ADAMTS17: variants seen among roughly 807,000 people sequenced by gnomAD.
ADAMTS17 encodes ADAM metallopeptidase with thrombospondin type 1 motif 17.
In ADAMTS17, 113 loss-of-function variants were observed where a neutral mutation model predicts 141.5. The ratio of observed to expected loss-of-function variants is 0.80; its 90% CI spans 0.69 to 0.93. ADAMTS17 has a LOEUF of 0.93. ADAMTS17 is among the 40% of genes least tolerant of loss of function. The probability of loss-of-function intolerance (pLI) is 0.00; values close to 1 mark genes in which losing one functional copy is unlikely to be tolerated. For synonymous variants in ADAMTS17, 768 were observed against 630.6 expected, an observed-to-expected ratio of 1.22 and a Z score of -3.27; for missense variants, 1,659 against 1,517.9, an observed-to-expected ratio of 1.09 and a Z score of -1.54.
chr15:100,273,730 G>C lies in ADAMTS17; in HGVS notation c.789+7499C>G, dbSNP rs1326202126. ...AAGCTAAATTCAAAGCTAGCAGAAG[G>C]AATAAAATAGCTTGTTCTTCTTCTA... On this transcript the variant is annotated intron_variant, in intron 4 of 21. Coordinates refer to ENST00000268070, the MANE Select transcript of ADAMTS17 (RefSeq NM_139057.4). 2.0e-5 allele frequency among the ~76,000 whole-genome samples: 3 copies of C among 152,266 alleles called. No homozygotes were observed. In the East Asian group the frequency reaches 5.8e-4, roughly 29 times the overall value.
chr15:100,206,762 G>A (rs146388745), intron 7 of ADAMTS17, among the ~76,000 whole-genome samples: 103 of 152,156 alleles, frequency 6.8e-4, no homozygotes, highest in Non-Finnish European at 1.0e-3. Context: ...GGAATGGATC[G>A]AATCTCCCTT....
intron 3 of ADAMTS17, among the ~76,000 whole-genome samples, chr15:100,289,320 G>C (rs1297738040): frequency 1.3e-5 from 2 of 151,990 alleles, no homozygotes; most frequent in African/African-American, 4.8e-5. Context: ...AAAAAACCAA[G>C]TTCCAAAATT....
chr15:100,124,052 C>T (rs1281999714), intron 12 of ADAMTS17, among the ~76,000 whole-genome samples: 1 of 151,918 alleles, frequency 6.6e-6, no homozygotes. Flanking sequence ...TAACCTCTGC[C>T]TCCTGGGTTC....
chr15:100,337,349 G>A (rs1300167902), intron 2 of ADAMTS17, among the ~76,000 whole-genome samples: 1 of 152,224 alleles, frequency 6.6e-6, no homozygotes, highest in East Asian at 1.9e-4. Context: ...ACCAGTCAGA[G>A]TGAGGTGGGC....
intron 15 of ADAMTS17, among the ~76,000 whole-genome samples, chr15:100,076,243 A>G (rs771847575): frequency 7.9e-5 from 12 of 152,110 alleles, no homozygotes; most frequent in Non-Finnish European, 1.5e-4. Context: ...GGGTTGCACT[A>G]TGTTGGGCAG....
Position 100,017,712 on chromosome 15 carries a change from G to C in ADAMTS17, c.2592-20123C>G, listed in dbSNP as rs548639685. ...ACAGTTTGGGCACTCACAGTATTTG[G>C]AGTGTCTCCTGGGTCCTGCAGGAGC... On this transcript the variant is annotated intron_variant, in intron 18 of 21. Coordinates refer to ENST00000268070, the MANE Select transcript of ADAMTS17 (RefSeq NM_139057.4). Among the ~76,000 whole-genome samples, 52 of 152,294 alleles carry C rather than the reference G, an allele frequency of 3.4e-4. No homozygotes were observed. The South Asian group carries it at 0.011, about 31-fold the overall frequency.
chr15:100,144,599 G>A (rs1443559889), intron 10 of ADAMTS17, among the ~76,000 whole-genome samples: 1 of 152,004 alleles, frequency 6.6e-6, no homozygotes, highest in Non-Finnish European at 1.5e-5. Flanking sequence ...TCACGGGTAT[G>A]GCTAAGACTC....
chr15:100,270,993 C>T (rs79677315), intron 4 of ADAMTS17, among the ~76,000 whole-genome samples: 1 of 152,000 alleles, frequency 6.6e-6, no homozygotes, highest in Non-Finnish European at 1.5e-5. Flanking sequence ...AGTGGAATCA[C>T]AGTATTTGTT....
chr15:100,306,071 G>A (rs186432565), intron 3 of ADAMTS17: 85 of 166,402 alleles, frequency 5.1e-4, no homozygotes, highest in Admixed American at 1.4e-3. Flanking sequence ...CCCCATACCC[G>A]GTATGCTGTC....
chr15:100,258,400 G>A (rs536204671), intron 6 of ADAMTS17, among the ~76,000 whole-genome samples: 37 of 152,080 alleles, frequency 2.4e-4, no homozygotes, highest in African/African-American at 5.8e-4. Flanking sequence ...ATTGTTTTGC[G>A]TATTAGTCCA....
intron 10 of ADAMTS17, 54 bp downstream of exon 10, chr15:100,152,558 T>A: frequency 6.2e-7 from 1 of 1,600,248 alleles, no homozygotes; most frequent in Non-Finnish European, 8.5e-7. Flanking sequence ...AGACCTGCTG[T>A]GGGAGGGCTG....
At chr15:100,198,287 C>G (rs929115053) in intron 8 of ADAMTS17, among the ~76,000 whole-genome samples, 1 of 152,112 alleles carries the variant, frequency 6.6e-6, no homozygotes, top group African/African-American at 2.4e-5. Context: ...AAAGGCATCA[C>G]TCATAAAAAA....
At chr15:100,294,152 C>T (rs185457521) in intron 3 of ADAMTS17, among the ~76,000 whole-genome samples, 4 of 152,176 alleles carry the variant, frequency 2.6e-5, no homozygotes, top group Non-Finnish European at 4.4e-5. Context: ...TCATGCCACT[C>T]GTCTTATTTC....
chr15:100,268,265 A>C (rs1439613753), intron 4 of ADAMTS17, among the ~76,000 whole-genome samples: 2 of 152,146 alleles, frequency 1.3e-5, no homozygotes, highest in Non-Finnish European at 2.9e-5. Flanking sequence ...GAACATATGC[A>C]TGCATGTGTT....
chr15:100,140,474 C>T (rs1000466357), intron 10 of ADAMTS17, among the ~76,000 whole-genome samples: 3 of 76,238 alleles, frequency 3.9e-5, no homozygotes, highest in South Asian at 5.7e-4. Context: ...CACACAGACA[C>T]ACACACATAC....
At chr15:100,091,559 G>A (rs760527936) in intron 15 of ADAMTS17, among the ~76,000 whole-genome samples, 1 of 152,196 alleles carries the variant, frequency 6.6e-6, no homozygotes, top group Non-Finnish European at 1.5e-5. Context: ...ATCTTCCAGA[G>A]TTACTATTAC....
intron 18 of ADAMTS17, among the ~76,000 whole-genome samples, chr15:100,011,601 G>A (rs952795400): frequency 2.6e-5 from 4 of 152,140 alleles, no homozygotes; most frequent in African/African-American, 9.7e-5. Context: ...GCCAGGCAAT[G>A]TTCTAAGCAC....
In ADAMTS17 at chr15:100,048,851, T is replaced by C. The variant is rs8028251; in HGVS notation, c.2591+6A>G. ...TGGGTCCAAGCTACAGAACCCAGCT[T>C]CTTACCGTGACTGGCAGGGGTGCAA... On this transcript the variant is annotated splice_donor_region_variant and intron_variant, in intron 18 of 21. Coordinates refer to ENST00000268070, the MANE Select transcript of ADAMTS17 (RefSeq NM_139057.4). 0.25 allele frequency: 403,800 copies of C among 1,613,822 alleles called. 56,149 individuals carry two copies. The highest frequency in any genetic ancestry group is 0.5 in the East Asian group (22,445 of 44,856).
At chr15:100,326,816 T>A (rs970237868) in intron 3 of ADAMTS17, among the ~76,000 whole-genome samples, 2 of 152,108 alleles carry the variant, frequency 1.3e-5, no homozygotes, top group Non-Finnish European at 2.9e-5. Flanking sequence ...AAAAGAAGGG[T>A]TGACCTCATC....
Sources: gnomAD v4.1 joint callset for allele counts (sites outside exome capture counted in the v4.1 genomes callset) on GRCh38, gnomAD v4.1.1 for gene constraint, MANE v1.5 for transcripts, NCBI Gene and HGNC (gene_info 2026-07-23, HGNC 2026-07-21) for gene names.